The following CSMD3 variants were observed in gnomAD, a reference collection of about 807,000 sequenced individuals.
CSMD3 encodes the protein CUB and Sushi multiple domains 3, also known as CUB and sushi domain-containing protein 3.
CSMD3 carries 177 observed loss-of-function variants against 435.2 expected under a neutral mutation model. The observed-to-expected ratio is 0.41, with a 90% confidence interval of 0.36 to 0.46. The LOEUF (loss-of-function observed/expected upper bound fraction) is 0.46, where lower values mean the gene tolerates loss of function less well. Among genes scored for constraint, CSMD3 ranks in the 20% least tolerant of loss-of-function variants. The pLI, the probability that CSMD3 is intolerant of heterozygous loss-of-function variation, is 0.34. For synonymous variants in CSMD3, 1,656 were observed against 1,520.5 expected (o/e 1.09, Z -2.07); for missense variants, 4,265 against 4,504.6 (o/e 0.95, Z 1.52).
At chr8:112,310,913 A>G (rs950146290) in intron 50 of CSMD3, 65 bp downstream of exon 50, 15 of 1,378,318 alleles carry the variant, frequency 1.1e-5, no homozygotes, top group Non-Finnish European at 1.6e-5. Context: ...TGATCCAAAT[A>G]AAAACGTTAA....
At chr8:112,876,565 G>T (rs2081287529) in intron 10 of CSMD3, among the ~76,000 whole-genome samples, 1 of 152,066 alleles carries the variant, frequency 6.6e-6, no homozygotes, top group Admixed American at 6.6e-5. Context: ...CACATAAAGA[G>T]AACTAATGAC....
At chr8:112,493,915 C>G (rs758348283) in intron 30 of CSMD3, among the ~76,000 whole-genome samples, 16 of 152,016 alleles carry the variant, frequency 1.1e-4, no homozygotes, top group Non-Finnish European at 2.1e-4. Context: ...TTTTCTACAT[C>G]AGAATTTGTT....
intron 11 of CSMD3, among the ~76,000 whole-genome samples, chr8:112,850,090 C>A (rs1016554056): frequency 5.3e-5 from 8 of 152,074 alleles, no homozygotes; most frequent in Admixed American, 4.6e-4. Flanking sequence ...TAGAAACATT[C>A]TTCATATATA....
At chr8:112,779,064 T>A (rs2078315280) in intron 13 of CSMD3, among the ~76,000 whole-genome samples, 1 of 151,936 alleles carries the variant, frequency 6.6e-6, no homozygotes, top group Non-Finnish European at 1.5e-5. Flanking sequence ...TCATTTTGTA[T>A]TTTGGATAGC....
intron 3 of CSMD3, among the ~76,000 whole-genome samples, chr8:113,266,490 A>G (rs916209945): frequency 2.0e-5 from 3 of 151,506 alleles, no homozygotes; most frequent in African/African-American, 4.8e-5. Context: ...AATTTCTAAA[A>G]TGTATACAGT....
intron 20 of CSMD3, among the ~76,000 whole-genome samples, chr8:112,641,309 T>C (rs1019326873): frequency 2.6e-5 from 4 of 152,076 alleles, no homozygotes; most frequent in African/African-American, 9.7e-5. Context: ...GTGCCAAAGG[T>C]CAATTAATCC....
intron 32 of CSMD3, among the ~76,000 whole-genome samples, chr8:112,451,112 T>C (rs55802534): frequency 0.19 from 28,242 of 152,098 alleles, 3,212 homozygotes; most frequent in Middle Eastern, 0.36. Context: ...CAAACAAAAA[T>C]ACTTAAAATA....
intron 20 of CSMD3, chr8:112,643,611 T>C (rs1406009357): frequency 5.9e-6 from 1 of 168,332 alleles, no homozygotes. Context: ...CTCCCTTCTA[T>C]AATATCAGGG....
At chr8:113,371,171 A>T (rs10103599) in intron 1 of CSMD3, among the ~76,000 whole-genome samples, 1 of 151,828 alleles carries the variant, frequency 6.6e-6, no homozygotes, top group Middle Eastern at 3.2e-3. Context: ...TTCTATTATA[A>T]TGAGTTGCTT....
chr8:112,254,087 C>G (rs1029717891), intron 63 of CSMD3, among the ~76,000 whole-genome samples, 166 bp downstream of exon 63: 3 of 151,122 alleles, frequency 2.0e-5, no homozygotes, highest in Non-Finnish European at 4.4e-5. Flanking sequence ...ATTTTTTTTT[C>G]TAATTTCCTT....
At chr8:112,368,581 C>T (rs1362791997) in intron 38 of CSMD3, among the ~76,000 whole-genome samples, 1 of 152,134 alleles carries the variant, frequency 6.6e-6, no homozygotes, top group East Asian at 1.9e-4. Context: ...AAATTTGCAG[C>T]ACCTACACCT....
chr8:112,558,502 C>G (rs372387106), intron 24 of CSMD3, among the ~76,000 whole-genome samples: 1 of 151,762 alleles, frequency 6.6e-6, no homozygotes, highest in Admixed American at 6.6e-5. Flanking sequence ...ACAGTTTTTA[C>G]GGGTTCTTTG....
At chr8:113,098,077 T>C (rs1293430825) in intron 5 of CSMD3, among the ~76,000 whole-genome samples, 2 of 152,170 alleles carry the variant, frequency 1.3e-5, no homozygotes, top group African/African-American at 2.4e-5. Context: ...TATTCAAACA[T>C]CTTCAAGTAA....
intron 63 of CSMD3, among the ~76,000 whole-genome samples, chr8:112,251,602 A>T (rs1349435201): frequency 6.6e-6 from 1 of 151,856 alleles, no homozygotes; most frequent in Admixed American, 6.6e-5. Context: ...CTAAGATACT[A>T]ATTTCAATTA....
intron 4 of CSMD3, among the ~76,000 whole-genome samples, chr8:113,131,990 C>A (rs2131686499): frequency 6.6e-6 from 1 of 152,244 alleles, no homozygotes; most frequent in South Asian, 2.1e-4. Context: ...CAAAGGAGAT[C>A]ATTTTGGAGC....
chr8:112,372,821 C>A (rs1413780651), intron 38 of CSMD3, among the ~76,000 whole-genome samples: 1 of 151,252 alleles, frequency 6.6e-6, no homozygotes, highest in Non-Finnish European at 1.5e-5. Flanking sequence ...TGCACTCCAG[C>A]CTGGGTGACA....
chr8:113,283,847 G>A (rs1167876256), intron 2 of CSMD3, among the ~76,000 whole-genome samples: 3 of 152,098 alleles, frequency 2.0e-5, no homozygotes, highest in Admixed American at 1.3e-4. Context: ...ATCAATCAAC[G>A]AGTGGATAAA....
intron 22 of CSMD3, among the ~76,000 whole-genome samples, chr8:112,627,046 G>A (rs1834532619): frequency 6.6e-6 from 1 of 151,990 alleles, no homozygotes; most frequent in Non-Finnish European, 1.5e-5. Flanking sequence ...ATTACCTCAG[G>A]TAAAATATTC....
chr8:112,314,485 A>G lies in CSMD3; in HGVS notation c.7493T>C (p.Met2498Thr). The change falls in exon 48 of 71, where the codon ATG becomes ACG. Residue 2498 changes from methionine (M) to threonine (T), a missense_variant. Met to Thr is a moderately conservative substitution (Grantham distance 81, BLOSUM62 -1). Coordinates refer to ENST00000297405, the MANE Select transcript of CSMD3 (RefSeq NM_198123.2). ...ISVEKGYNITMFVEFFQTEKE... is the reference protein window; with the variant it reads ...ISVEKGYNITTFVEFFQTEKE... ...TTCTGTCTGGAAGAATTCTACAAAC[A>G]TGGTGATATTATAACCCTTTTCCAC... 6 of 1,612,670 alleles carry G rather than the reference A, an allele frequency of 3.7e-6. No individual in the cohort carries two copies. The highest frequency in any genetic ancestry group is 4.2e-6 in the Non-Finnish European group (5 of 1,178,798).
Sources: gnomAD v4.1 joint callset for allele counts (sites outside exome capture counted in the v4.1 genomes callset) on GRCh38, gnomAD v4.1.1 for gene constraint, MANE v1.5 for transcripts, NCBI Gene and HGNC (gene_info 2026-07-23, HGNC 2026-07-21) for gene names.